Variants in GCNT2 observed in about 807,000 individuals in gnomAD.
The protein encoded by GCNT2 is glucosaminyl (N-acetyl) transferase 2 (I blood group), also known as N-acetyllactosaminide beta-1,6-N-acetylglucosaminyl-transferase.
GCNT2 carries 34 observed loss-of-function variants against 34.2 expected under a neutral mutation model. That is an observed-to-expected ratio of 1.00 (90% confidence interval 0.76 to 1.32). GCNT2 has a LOEUF of 1.32. Ranked by LOEUF, GCNT2 falls within the 40% of genes most tolerant of loss-of-function variation. GCNT2 has a pLI of 0.00. For synonymous variants in GCNT2, 212 were observed against 188.0 expected (o/e 1.13, Z -1.04); for missense variants, 584 against 489.4 (o/e 1.19, Z -1.82).
intron 3 of GCNT2, chr6:10,557,452 A>G (rs539144993): frequency 7.2e-5 from 62 of 861,934 alleles, no homozygotes; most frequent in Non-Finnish European, 1.0e-4. Context: ...TGGAACATAT[A>G]TAGTTCTCAC....
chr6:10,522,307 A>G (rs1039781881), intron 1 of GCNT2, among the ~76,000 whole-genome samples: 2 of 151,360 alleles, frequency 1.3e-5, no homozygotes, highest in Admixed American at 6.6e-5. Flanking sequence ...AAAGTAGTAG[A>G]TCCATATTGC....
intron 4 of GCNT2, chr6:10,621,683 G>A: frequency 2.1e-6 from 1 of 473,428 alleles, no homozygotes. Context: ...AATCAGGGCG[G>A]CATGTTTTTC....
At chr6:10,612,025 T>C (rs1457382968) in intron 3 of GCNT2, among the ~76,000 whole-genome samples, 1 of 152,192 alleles carries the variant, frequency 6.6e-6, no homozygotes, top group East Asian at 1.9e-4. Context: ...CTCACTCTGT[T>C]GCCCAGGCTG....
intron 3 of GCNT2, chr6:10,585,750 C>T (rs1764314333): frequency 7.1e-7 from 1 of 1,404,240 alleles, no homozygotes; most frequent in African/African-American, 1.4e-5. Flanking sequence ...GGATTCAACC[C>T]TGGGGAACTG....
chr6:10,542,977 G>C (rs984209630), intron 3 of GCNT2, among the ~76,000 whole-genome samples: 1 of 143,592 alleles, frequency 7.0e-6, no homozygotes, highest in Non-Finnish European at 1.5e-5. Flanking sequence ...CCATGATCTC[G>C]GCTCACTGCA....
chr6:10,586,792 C>T lies in GCNT2; in HGVS notation c.926-34559C>T, dbSNP rs372387897. ...ATCTACTTTGGCACTGCCTATGTGGCGCTTACCAGAGACTTTGTCGACTTT... is the reference window on the plus strand; with the variant it reads ...ATCTACTTTGGCACTGCCTATGTGGTGCTTACCAGAGACTTTGTCGACTTT... On this transcript the variant is annotated intron_variant, in intron 3 of 4. Coordinates refer to ENST00000495262, the MANE Select transcript of GCNT2 (RefSeq NM_145649.5). The T allele has an allele frequency of 2.7e-5, 44 of 1,613,678 alleles. No homozygotes were observed. In the Middle Eastern group the frequency reaches 4.9e-4, roughly 18 times the overall value.
At chr6:10,524,519 C>CT (rs1415969605) in intron 1 of GCNT2, among the ~76,000 whole-genome samples, 1 of 152,140 alleles carries the variant, frequency 6.6e-6, no homozygotes, top group Non-Finnish European at 1.5e-5. Flanking sequence ...AGCCCTGTTG[C>CT]TGGAAGCCTG....
chr6:10,596,325 C>T (rs1764850862), intron 3 of GCNT2, among the ~76,000 whole-genome samples: 1 of 152,080 alleles, frequency 6.6e-6, no homozygotes, highest in South Asian at 2.1e-4. Context: ...CATTCAAGAC[C>T]AGCCTGGCCA....
chr6:10,546,486 GTC>G (rs762684686), intron 3 of GCNT2, among the ~76,000 whole-genome samples: 12 of 152,024 alleles, frequency 7.9e-5, no homozygotes, highest in Non-Finnish European at 1.8e-4. Flanking sequence ...GTGAAACCCT[GTC>G]TCTACTAAAA....
chr6:10,571,382 T>C (rs371268451), intron 3 of GCNT2, among the ~76,000 whole-genome samples: 11 of 152,260 alleles, frequency 7.2e-5, no homozygotes, highest in East Asian at 5.8e-4. Flanking sequence ...AGTCCCGCTC[T>C]TGTTACCCAG....
At chr6:10,552,406 ACT>A (rs1009663618) in intron 3 of GCNT2, among the ~76,000 whole-genome samples, 13 of 150,626 alleles carry the variant, frequency 8.6e-5, no homozygotes, top group Admixed American at 3.3e-4. Context: ...CAACCTCAGC[ACT>A]CTGTTTCCCC....
chr6:10,556,349 C>T, intron 3 of GCNT2: 1 of 1,604,630 alleles, frequency 6.2e-7, no homozygotes, highest in Non-Finnish European at 8.5e-7. Context: ...AATAAGAACT[C>T]AGAGAAACGA....
intron 3 of GCNT2, among the ~76,000 whole-genome samples, chr6:10,576,675 A>C (rs182263062): frequency 7.0e-6 from 1 of 143,544 alleles, no homozygotes; most frequent in East Asian, 1.9e-4. Context: ...CAGAGACAGA[A>C]AGAGATTTGG....
At chr6:10,548,446 T>A (rs367573166) in intron 3 of GCNT2, among the ~76,000 whole-genome samples, 1 of 152,186 alleles carries the variant, frequency 6.6e-6, no homozygotes, top group Admixed American at 6.5e-5. Flanking sequence ...CCTGAGTGAT[T>A]AGGGGCAAAC....
intron 3 of GCNT2, chr6:10,586,384 C>T (rs1315300664): frequency 1.2e-6 from 2 of 1,613,998 alleles, no homozygotes; most frequent in South Asian, 2.2e-5. Context: ...GATGAGAAAG[C>T]CCCAGCTGAG....
At chr6:10,524,189 C>T (rs1761075654) in intron 1 of GCNT2, among the ~76,000 whole-genome samples, 4 of 151,580 alleles carry the variant, frequency 2.6e-5, no homozygotes, top group South Asian at 2.1e-4. Flanking sequence ...ACTTATTCAA[C>T]GGCTCCAAGC....
At chr6:10,544,302 ACT>A (rs758048119) in intron 3 of GCNT2, among the ~76,000 whole-genome samples, 38 of 146,834 alleles carry the variant, frequency 2.6e-4, no homozygotes, top group Non-Finnish European at 5.4e-4. Context: ...CGACAGCAAG[ACT>A]CTGTCTCAAA....
chr6:10,622,742 C>CTTTTTTTTT (rs36097125), intron 4 of GCNT2, among the ~76,000 whole-genome samples: 2 of 74,474 alleles, frequency 2.7e-5, no homozygotes, highest in Non-Finnish European at 5.3e-5. Context: ...CTCAGTCCAT[C>CTTTTTTTTT]TTTTTTTTTT....
At chr6:10,547,629 G>GT (rs1168621711) in intron 3 of GCNT2, among the ~76,000 whole-genome samples, 1 of 152,202 alleles carries the variant, frequency 6.6e-6, no homozygotes, top group African/African-American at 2.4e-5. Flanking sequence ...GCTAGGAAGT[G>GT]TTTTTATTTA....
Sources: allele counts gnomAD v4.1 joint callset (sites outside exome capture counted in the v4.1 genomes callset), GRCh38; gene constraint gnomAD v4.1.1; transcripts MANE v1.5; gene names NCBI Gene and HGNC (gene_info 2026-07-23, HGNC 2026-07-21).